Variants in DSE observed in about 807,000 individuals in gnomAD.
DSE encodes the protein dermatan-sulfate epimerase.
DSE carries 36 observed loss-of-function variants against 84.4 expected under a neutral mutation model. That is an observed-to-expected ratio of 0.43 (90% CI 0.33 to 0.56). The LOEUF is 0.56. Ranked by LOEUF, DSE falls within the 20% of genes least tolerant of loss-of-function variation. DSE has a pLI of 0.06. For synonymous variants in DSE, 410 were observed against 430.1 expected (o/e 0.95, Z 0.58); for missense variants, 862 against 1,169.6 (o/e 0.74, Z 3.84).
At chr6:116,409,609 C>T (rs1414799384) in intron 2 of DSE, among the ~76,000 whole-genome samples, 1 of 152,086 alleles carries the variant, frequency 6.6e-6, no homozygotes, top group African/African-American at 2.4e-5. Flanking sequence ...TTGCTCTGTT[C>T]TGGGTATTTT....
intron 2 of DSE, among the ~76,000 whole-genome samples, chr6:116,341,174 C>T (rs1406167458): frequency 3.3e-5 from 5 of 151,982 alleles, no homozygotes; most frequent in Non-Finnish European, 5.9e-5. Context: ...TAATGATTGC[C>T]ATTCTAACTG....
intron 2 of DSE, among the ~76,000 whole-genome samples, chr6:116,290,084 A>G (rs375861566): frequency 3.9e-5 from 6 of 152,256 alleles, no homozygotes; most frequent in Admixed American, 3.9e-4. Flanking sequence ...CAGAGATATC[A>G]GGTGACTTGC....
intron 1 of DSE, among the ~76,000 whole-genome samples, chr6:116,385,272 C>G (rs1293877285): frequency 6.6e-6 from 1 of 152,070 alleles, no homozygotes; most frequent in Non-Finnish European, 1.5e-5. Context: ...AGGTGGGAAG[C>G]CATTAGAGTG....
chr6:116,383,957 A>G (rs1433466107), intron 1 of DSE, among the ~76,000 whole-genome samples: 1 of 152,190 alleles, frequency 6.6e-6, no homozygotes, highest in East Asian at 1.9e-4. Flanking sequence ...AATACTAGCA[A>G]TTGTGTAGAT....
At chr6:116,343,374 C>A (rs1196143339) in intron 2 of DSE, among the ~76,000 whole-genome samples, 1 of 152,210 alleles carries the variant, frequency 6.6e-6, no homozygotes. Context: ...CCCCAAGTAG[C>A]CTAAATGGGA....
chr6:116,371,236 C>G, intron 1 of DSE, 115 bp downstream of exon 1: 1 of 980,036 alleles, frequency 1.0e-6, no homozygotes, highest in Non-Finnish European at 1.2e-6. Flanking sequence ...CGGAGAGCCA[C>G]GTCCCCGGCT....
chr6:116,286,607 T>A (rs1375027309), intron 2 of DSE, among the ~76,000 whole-genome samples: 1 of 152,138 alleles, frequency 6.6e-6, no homozygotes, highest in Non-Finnish European at 1.5e-5. Flanking sequence ...AAAACATCAA[T>A]ATAATCACAT....
chr6:116,431,101 T>C lies in DSE; in HGVS notation c.818T>C (p.Met273Thr). The change falls in exon 4 of 6, where the codon ATG (methionine) becomes ACG (threonine). Residue 273 changes from methionine (M) to threonine (T), a missense_variant. By Grantham distance (81) the Met-to-Thr change is moderately conservative. Coordinates refer to ENST00000644252, the MANE Select transcript of DSE (RefSeq NM_013352.4). Reference protein sequence around the residue: ...SYTTRSLFQYMFLVQRHFNIN... With the variant: ...SYTTRSLFQYTFLVQRHFNIN... ...ACCACTAGATCACTCTTCCAATACATGTTTCTCGTCCAGAGGCACTTCAAC... is the reference window on the plus strand; with the variant it reads ...ACCACTAGATCACTCTTCCAATACACGTTTCTCGTCCAGAGGCACTTCAAC... 6.2e-7 allele frequency: 1 copy of C among 1,614,234 alleles called. No individual in the cohort carries two copies. Among genetic ancestry groups the C allele is most frequent in the Non-Finnish European group, 8.5e-7 (1 of 1,180,038 alleles).
At chr6:116,318,509 A>G (rs1020357155) in intron 2 of DSE, among the ~76,000 whole-genome samples, 1 of 10,996 alleles carries the variant, frequency 9.1e-5, no homozygotes, top group African/African-American at 1.2e-4. Flanking sequence ...CTCAAAAGAA[A>G]AAAAAAAAAG....
chr6:116,338,124 G>A (rs898314737), intron 2 of DSE, among the ~76,000 whole-genome samples: 5 of 150,920 alleles, frequency 3.3e-5, no homozygotes, highest in Admixed American at 6.6e-5. Flanking sequence ...TTGATACTCC[G>A]AATAACCTTC....
chr6:116,359,198 G>T (rs1778750315), intron 2 of DSE, among the ~76,000 whole-genome samples: 1 of 151,904 alleles, frequency 6.6e-6, no homozygotes, highest in Admixed American at 6.6e-5. Context: ...TTAGTTTAAA[G>T]AAAAGGTTTG....
intron 2 of DSE, among the ~76,000 whole-genome samples, chr6:116,298,778 TG>T (rs1313061391): frequency 1.3e-5 from 2 of 152,222 alleles, no homozygotes; most frequent in African/African-American, 4.8e-5. Flanking sequence ...TCAGCTCCAG[TG>T]TTGAAACTCA....
chr6:116,399,164 G>C (rs1781431271), intron 1 of DSE, 34 bp from the exon 2 acceptor site: 1 of 1,575,224 alleles, frequency 6.3e-7, no homozygotes, highest in Non-Finnish European at 8.6e-7. Flanking sequence ...TCCCTTGGCT[G>C]ACAGACACTT....
chr6:116,331,016 A>G (rs759453830), intron 2 of DSE, among the ~76,000 whole-genome samples: 2 of 152,242 alleles, frequency 1.3e-5, no homozygotes, highest in Non-Finnish European at 2.9e-5. Flanking sequence ...AATAAAGGAA[A>G]AAATTATATG....
At chr6:116,330,571 G>C (rs1776877298) in intron 2 of DSE, among the ~76,000 whole-genome samples, 1 of 152,074 alleles carries the variant, frequency 6.6e-6, no homozygotes, top group Admixed American at 6.5e-5. Context: ...ACTATTTCTA[G>C]TTAATATATT....
At chr6:116,418,513 A>C (rs1782864497) in intron 2 of DSE, among the ~76,000 whole-genome samples, 2 of 152,014 alleles carry the variant, frequency 1.3e-5, no homozygotes, top group Non-Finnish European at 2.9e-5. Context: ...TTGGTGTCTC[A>C]TGTTCCTTGG....
intron 2 of DSE, among the ~76,000 whole-genome samples, chr6:116,288,970 TAAGTAG>T (rs1320692391): frequency 6.6e-6 from 1 of 152,084 alleles, no homozygotes; most frequent in Non-Finnish European, 1.5e-5. Context: ...TGGGAGTATA[TAAGTAG>T]AAGTACTTAT....
chr6:116,402,963 T>C (rs927897385), intron 2 of DSE, among the ~76,000 whole-genome samples: 2 of 152,200 alleles, frequency 1.3e-5, no homozygotes, highest in African/African-American at 4.8e-5. Context: ...TAGATTCACT[T>C]AAGAATTCTG....
exon 2 of DSE, chr6:116,258,497 C>T (rs540736256): frequency 2.3e-5 from 26 of 1,125,854 alleles, no homozygotes; most frequent in African/African-American, 7.6e-5. Context: ...GGAAAATCAG[C>T]GGTTGGACTT....
Sources: allele counts gnomAD v4.1 joint callset (sites outside exome capture counted in the v4.1 genomes callset), GRCh38; gene constraint gnomAD v4.1.1; transcripts MANE v1.5; gene names NCBI Gene and HGNC (gene_info 2026-07-23, HGNC 2026-07-21).